The following CTNNA3 variants were observed in gnomAD, a reference collection of about 807,000 sequenced individuals.
CTNNA3 encodes catenin alpha-3.
A neutral mutation model predicts 95.7 loss-of-function variants in CTNNA3; 76 were observed. The observed-to-expected ratio is 0.79, with a 90% CI of 0.66 to 0.96. The LOEUF (loss-of-function observed/expected upper bound fraction) is 0.96. CTNNA3 is among the 40% of genes least tolerant of loss of function. The pLI, the probability that CTNNA3 is intolerant of heterozygous loss-of-function variation, is 0.00. For synonymous variants in CTNNA3, 431 were observed against 374.4 expected, an observed-to-expected ratio of 1.15 and a Z score of -1.74; for missense variants, 1,191 against 1,089.8, an observed-to-expected ratio of 1.09 and a Z score of -1.31.
At chr10:66,600,844 G>A (rs1449358121) in intron 10 of CTNNA3, among the ~76,000 whole-genome samples, 1 of 151,820 alleles carries the variant, frequency 6.6e-6, no homozygotes, top group Non-Finnish European at 1.5e-5. Flanking sequence ...AGATTCCTGG[G>A]ATATTTTCTT....
intron 5 of CTNNA3, among the ~76,000 whole-genome samples, chr10:67,325,697 T>A (rs1178709701): frequency 6.6e-6 from 1 of 152,224 alleles, no homozygotes; most frequent in African/African-American, 2.4e-5. Flanking sequence ...ATGAGAAGAA[T>A]GTATAATCTG....
chr10:66,382,894 T>C (rs2092853601), intron 11 of CTNNA3, among the ~76,000 whole-genome samples: 1 of 151,708 alleles, frequency 6.6e-6, no homozygotes, highest in African/African-American at 2.4e-5. Context: ...AGCATCAACA[T>C]CAACATCAAC....
At chr10:67,225,828 CA>C (rs535717670) in intron 5 of CTNNA3, among the ~76,000 whole-genome samples, 1 of 152,086 alleles carries the variant, frequency 6.6e-6, no homozygotes, top group African/African-American at 2.4e-5. Flanking sequence ...TTAGCACCCC[CA>C]AAAAGCACAC....
chr10:66,584,899 C>G (rs564337771), intron 10 of CTNNA3, among the ~76,000 whole-genome samples: 2 of 152,038 alleles, frequency 1.3e-5, no homozygotes, highest in African/African-American at 4.8e-5. Context: ...AATTCCTTCA[C>G]CATTTACTTG....
intron 7 of CTNNA3, among the ~76,000 whole-genome samples, chr10:66,796,629 T>TA (rs1435744535): frequency 6.6e-6 from 1 of 152,056 alleles, no homozygotes; most frequent in Non-Finnish European, 1.5e-5. Flanking sequence ...CTTCGATTTG[T>TA]AAAAACCACC....
At chr10:66,772,848 G>A (rs1396098018) in intron 8 of CTNNA3, among the ~76,000 whole-genome samples, 1 of 152,176 alleles carries the variant, frequency 6.6e-6, no homozygotes, top group African/African-American at 2.4e-5. Context: ...GGATGAATGG[G>A]CAGGAAGATG....
chr10:67,553,690 T>G (rs962496912), intron 3 of CTNNA3, among the ~76,000 whole-genome samples: 3 of 152,066 alleles, frequency 2.0e-5, no homozygotes, highest in Non-Finnish European at 4.4e-5. Flanking sequence ...AATTTTCTTC[T>G]CACATTCAAG....
intron 11 of CTNNA3, among the ~76,000 whole-genome samples, chr10:66,445,023 C>G (rs1047996377): frequency 3.3e-5 from 5 of 152,024 alleles, no homozygotes; most frequent in African/African-American, 9.7e-5. Flanking sequence ...GGGTCGCAAT[C>G]CTAGTCTCTG....
chr10:67,213,125 A>G (rs1864207171), intron 6 of CTNNA3, among the ~76,000 whole-genome samples: 1 of 151,852 alleles, frequency 6.6e-6, no homozygotes, highest in African/African-American at 2.4e-5. Context: ...TAATTATTTC[A>G]TTCAGATTGT....
chr10:66,472,327 C>A (rs183880315), intron 11 of CTNNA3, among the ~76,000 whole-genome samples: 55 of 151,862 alleles, frequency 3.6e-4, no homozygotes, highest in Admixed American at 3.6e-3. Context: ...AGACATCTCC[C>A]CTGTAGACTC....
chr10:67,126,782 G>C (rs544389728), intron 7 of CTNNA3, among the ~76,000 whole-genome samples: 4 of 152,260 alleles, frequency 2.6e-5, no homozygotes, highest in Middle Eastern at 3.4e-3. Context: ...AAATGTAACC[G>C]TTGTACCAAA....
intron 7 of CTNNA3, among the ~76,000 whole-genome samples, chr10:67,117,325 C>G (rs1355099159): frequency 6.6e-6 from 1 of 151,934 alleles, no homozygotes; most frequent in African/African-American, 2.4e-5. Flanking sequence ...CCTCATTCTT[C>G]ACTTGCGATA....
At chr10:66,275,239 T>A (rs1257646331) in intron 13 of CTNNA3, among the ~76,000 whole-genome samples, 8 of 152,150 alleles carry the variant, frequency 5.3e-5, no homozygotes, top group African/African-American at 1.7e-4. Flanking sequence ...TGCCTCAACC[T>A]CCTGAGAAAC....
intron 1 of CTNNA3, among the ~76,000 whole-genome samples, chr10:67,703,215 C>T (rs1010491223): frequency 2.0e-5 from 3 of 152,204 alleles, no homozygotes; most frequent in South Asian, 2.1e-4. Context: ...GAGCTGGTAC[C>T]ATTCCTTCTG....
At chr10:66,282,861 C>T (rs186588781) in intron 12 of CTNNA3, among the ~76,000 whole-genome samples, 7 of 151,754 alleles carry the variant, frequency 4.6e-5, no homozygotes, top group Non-Finnish European at 8.8e-5. Flanking sequence ...GGTTGGCATG[C>T]AGTAAATAAA....
rs181126155 is a variant in CTNNA3 at position 67,287,692 on chromosome 10, T to G, written c.580-67822A>C. Among the ~76,000 whole-genome samples the G allele has an allele frequency of 3.6e-3, 542 of 152,324 alleles. 1 individual carries two copies. Among genetic ancestry groups the G allele is most frequent in the African/African-American group, 0.012 (506 of 41,584 alleles). On this transcript the variant is annotated intron_variant, in intron 5 of 17. Coordinates refer to ENST00000433211, the MANE Select transcript of CTNNA3 (RefSeq NM_013266.4). Reference sequence around the variant, plus strand: ...CTTGAAACGCTCATCAGACATGTTTTCTAACATATATTCTTGGTCCAGTCT... The same window carrying G: ...CTTGAAACGCTCATCAGACATGTTTGCTAACATATATTCTTGGTCCAGTCT...
intron 3 of CTNNA3, among the ~76,000 whole-genome samples, chr10:67,566,401 G>A (rs988278018): frequency 7.2e-5 from 11 of 151,896 alleles, no homozygotes; most frequent in Middle Eastern, 3.4e-3. Flanking sequence ...CATTTATGCA[G>A]CCAAAAACAC....
chr10:67,592,840 C>T (rs966370924), intron 3 of CTNNA3, among the ~76,000 whole-genome samples: 25 of 152,180 alleles, frequency 1.6e-4, no homozygotes, highest in South Asian at 8.3e-4. Flanking sequence ...ATTTTAGGTT[C>T]GGGGGTACAT....
intron 5 of CTNNA3, among the ~76,000 whole-genome samples, chr10:67,338,063 T>C (rs191860275): frequency 3.9e-5 from 6 of 152,306 alleles, no homozygotes; most frequent in Admixed American, 3.3e-4. Context: ...TTAATTAATT[T>C]GTTTCATCTT....
Sources: allele counts gnomAD v4.1 joint callset (sites outside exome capture counted in the v4.1 genomes callset), GRCh38; gene constraint gnomAD v4.1.1; transcripts MANE v1.5; gene names NCBI Gene and HGNC (gene_info 2026-07-23, HGNC 2026-07-21).